KCNH5: variants seen among roughly 807,000 people sequenced by gnomAD.
The protein encoded by KCNH5 is potassium voltage-gated channel subfamily H member 5.
A neutral mutation model predicts 96.1 loss-of-function variants in KCNH5; 46 were observed. The observed-to-expected ratio is 0.48, with a 90% CI of 0.38 to 0.61. KCNH5 has a LOEUF of 0.61. Ranked by LOEUF, KCNH5 falls within the 20% of genes least tolerant of loss-of-function variation. The pLI is 0.00. For missense variants in KCNH5, 907 were observed against 1,225.8 expected, an observed-to-expected ratio of 0.74 and a Z score of 3.88; for synonymous variants, 439 against 449.8, an observed-to-expected ratio of 0.98 and a Z score of 0.30.
intron 10 of KCNH5, among the ~76,000 whole-genome samples, chr14:62,725,826 T>C (rs763542541): frequency 1.3e-5 from 2 of 152,128 alleles, no homozygotes; most frequent in Non-Finnish European, 2.9e-5. Context: ...TATATGAAAA[T>C]GCAAAAGGCC....
At chr14:62,962,814 G>C (rs897716547) in intron 6 of KCNH5, among the ~76,000 whole-genome samples, 14 of 152,220 alleles carry the variant, frequency 9.2e-5, no homozygotes, top group Admixed American at 7.8e-4. Flanking sequence ...ACATTTTAAT[G>C]AGTTTAAAAG....
At chr14:62,758,712 A>G (rs1269052856) in intron 10 of KCNH5, among the ~76,000 whole-genome samples, 1 of 152,214 alleles carries the variant, frequency 6.6e-6, no homozygotes, top group Non-Finnish European at 1.5e-5. Flanking sequence ...GCATGGGGAT[A>G]TGTCATCTGT....
chr14:63,036,351 C>T (rs570855315), intron 1 of KCNH5, among the ~76,000 whole-genome samples: 69 of 152,148 alleles, frequency 4.5e-4, no homozygotes, highest in Middle Eastern at 3.4e-3. Context: ...GCACACAGCA[C>T]TTACAGGAGA....
intron 8 of KCNH5, among the ~76,000 whole-genome samples, chr14:62,826,408 A>ATGTGTGCGTGCGTGCATGTG: frequency 7.0e-6 from 1 of 142,080 alleles, no homozygotes; most frequent in African/African-American, 2.6e-5. Flanking sequence ...GCGTGCGTGC[A>ATGTGTGCGTGCGTGCATGTG]TGTGTGTGTG....
intron 2 of KCNH5, among the ~76,000 whole-genome samples, chr14:63,010,454 T>C (rs1014422651): frequency 6.6e-6 from 1 of 152,132 alleles, no homozygotes; most frequent in African/African-American, 2.4e-5. Context: ...TGTGTCACTG[T>C]GTCTTAAAGG....
Position 62,931,071 on chromosome 14 carries a change from T to C in KCNH5, c.1369+19062A>G, listed in dbSNP as rs1437542983. Among the ~76,000 whole-genome samples the C allele has an allele frequency of 5.9e-5, 9 of 152,208 alleles. No individual in the cohort carries two copies. In the South Asian group the frequency reaches 1.9e-3, roughly 32 times the overall value. On this transcript the variant is annotated intron_variant, in intron 7 of 10. Transcript: ENST00000322893. The stretch of plus-strand genomic sequence containing the variant: ...GAATGATGTAGTATCAGGGATGGCC[T>C]GGATCTAATGAGTACAGAGAAAATG...
At chr14:62,776,605 G>A (rs568078477) in intron 10 of KCNH5, among the ~76,000 whole-genome samples, 1 of 152,306 alleles carries the variant, frequency 6.6e-6, no homozygotes, top group East Asian at 1.9e-4. Flanking sequence ...GAGTAGTTGA[G>A]ATTGGCCCAC....
At chr14:62,891,161 C>T (rs184368380) in intron 7 of KCNH5, among the ~76,000 whole-genome samples, 80 of 152,234 alleles carry the variant, frequency 5.3e-4, no homozygotes, top group African/African-American at 1.8e-3. Context: ...AACCTAAATG[C>T]CCATCAATGA....
chr14:63,031,960 T>G (rs985234067), intron 1 of KCNH5, among the ~76,000 whole-genome samples: 1 of 152,088 alleles, frequency 6.6e-6, no homozygotes, highest in Non-Finnish European at 1.5e-5. Context: ...TTACCTTTTT[T>G]ATGCAAATTA....
chr14:63,000,074 G>A (rs1890983978), intron 4 of KCNH5, among the ~76,000 whole-genome samples: 1 of 152,106 alleles, frequency 6.6e-6, no homozygotes, highest in Non-Finnish European at 1.5e-5. Context: ...TTTGCACACT[G>A]TAAAAATTAT....
intron 7 of KCNH5, among the ~76,000 whole-genome samples, chr14:62,910,007 T>C (rs1889118931): frequency 6.6e-6 from 1 of 152,148 alleles, no homozygotes; most frequent in Non-Finnish European, 1.5e-5. Flanking sequence ...AGTGTTTTGT[T>C]CACTAACGTA....
At chr14:62,996,746 C>G (rs938668299) in intron 4 of KCNH5, among the ~76,000 whole-genome samples, 1 of 152,182 alleles carries the variant, frequency 6.6e-6, no homozygotes. Flanking sequence ...ACTGACACCA[C>G]CACTTAGGTT....
chr14:62,821,025 T>C (rs1887103914), intron 8 of KCNH5, among the ~76,000 whole-genome samples: 2 of 151,978 alleles, frequency 1.3e-5, no homozygotes. Context: ...AGTTCCTTTC[T>C]CTCCACAACC....
chr14:63,036,927 G>A (rs573103231), intron 1 of KCNH5, among the ~76,000 whole-genome samples: 5 of 152,252 alleles, frequency 3.3e-5, no homozygotes, highest in Middle Eastern at 3.4e-3. Flanking sequence ...TAAGATTTAC[G>A]AGAAGAATGC....
At chr14:62,922,054 T>C (rs1332190841) in intron 7 of KCNH5, among the ~76,000 whole-genome samples, 1 of 152,146 alleles carries the variant, frequency 6.6e-6, no homozygotes, top group East Asian at 1.9e-4. Context: ...TTCTGGCTTA[T>C]TATCCTATGA....
chr14:62,810,595 A>C (rs913234198), intron 8 of KCNH5, among the ~76,000 whole-genome samples: 7 of 152,072 alleles, frequency 4.6e-5, no homozygotes, highest in African/African-American at 1.7e-4. Context: ...TGATGGCCAC[A>C]AGAGTGACCT....
intron 7 of KCNH5, among the ~76,000 whole-genome samples, chr14:62,937,040 G>T (rs1028303873): frequency 3.4e-5 from 5 of 148,278 alleles, no homozygotes; most frequent in African/African-American, 1.2e-4. Flanking sequence ...CAAACAATTA[G>T]AAGGGAAAAA....
intron 7 of KCNH5, among the ~76,000 whole-genome samples, chr14:62,853,115 T>G (rs940742798): frequency 6.6e-6 from 1 of 152,168 alleles, no homozygotes; most frequent in Non-Finnish European, 1.5e-5. Flanking sequence ...AAGTTATTCT[T>G]AAATCCATTC....
At chr14:62,736,742 C>T (rs989497233) in intron 10 of KCNH5, among the ~76,000 whole-genome samples, 2 of 152,206 alleles carry the variant, frequency 1.3e-5, no homozygotes, top group African/African-American at 4.8e-5. Context: ...AGAAAGCACT[C>T]CTGACCAAAA....
Sources: gnomAD v4.1 joint callset for allele counts (sites outside exome capture counted in the v4.1 genomes callset) on GRCh38, gnomAD v4.1.1 for gene constraint, MANE v1.5 for transcripts, NCBI Gene and HGNC (gene_info 2026-07-23, HGNC 2026-07-21) for gene names.